FBXO39: variants seen among roughly 807,000 people sequenced by gnomAD.
FBXO39 encodes F-box only protein 39.
Under a neutral mutation model 36.6 loss-of-function variants are expected in FBXO39, and 22 were observed. The ratio of observed to expected loss-of-function variants is 0.60; its 90% confidence interval spans 0.43 to 0.86. The LOEUF (loss-of-function observed/expected upper bound fraction) is 0.86. Among genes scored for constraint, FBXO39 ranks in the 40% least tolerant of loss-of-function variants. The pLI, the probability that FBXO39 is intolerant of heterozygous loss-of-function variation, is 0.00. For missense variants in FBXO39, 536 were observed against 543.9 expected, an observed-to-expected ratio of 0.99 and a Z score of 0.14; for synonymous variants, 206 against 205.8, an observed-to-expected ratio of 1.00 and a Z score of -0.01.
chr17:6,779,203 A>G (rs1287804944), intron 1 of FBXO39, among the ~76,000 whole-genome samples: 1 of 152,120 alleles, frequency 6.6e-6, no homozygotes, highest in South Asian at 2.1e-4. Flanking sequence ...TCTTTATCAC[A>G]TCACGCAGGA....
chr17:6,777,069 A>G (rs1014998953), intron 1 of FBXO39, among the ~76,000 whole-genome samples: 2 of 152,068 alleles, frequency 1.3e-5, no homozygotes, highest in African/African-American at 4.8e-5. Flanking sequence ...GCTAGGCCAA[A>G]AGGTTTCATG....
rs991454223 is a variant in FBXO39 at position 6,780,160 on chromosome 17, A to G, written c.292A>G (p.Asn98Asp). ...GGAGCACCTGGAGGTCAAATTCATG[A>G]ATCCTTACAATGCTGTCTTGACCAA... is the stretch of plus-strand genomic sequence containing the variant. ...YLEHLEVKFM[N>D]PYNAVLTKKF... Residue 98 changes from asparagine (N) to aspartate (D), a missense_variant, in exon 2 of 4, where the codon AAT (asparagine) becomes GAT (aspartate). Transcript: ENST00000321535. 9 of 1,614,066 alleles carry G rather than the reference A, an allele frequency of 5.6e-6. No homozygotes were observed. Among genetic ancestry groups the G allele is most frequent in the Non-Finnish European group, 7.6e-6 (9 of 1,180,032 alleles).
In FBXO39 at chr17:6,780,151, A is replaced by C. The variant is rs747260135; in HGVS notation, c.283A>C (p.Lys95Gln). 1.9e-6 allele frequency: 3 copies of C among 1,614,082 alleles called. No homozygotes were observed. In the African/African-American group the frequency reaches 4.0e-5, roughly 22 times the overall value. ...TCGTTATCTGGAGCACCTGGAGGTC[A>C]AATTCATGAATCCTTACAATGCTGT... is the stretch of plus-strand genomic sequence containing the variant. ...FGRYLEHLEV[K>Q]FMNPYNAVLT... Residue 95 changes from lysine (K) to glutamine (Q), a missense_variant, in exon 2 of 4, where the codon AAA (lysine) becomes CAA (glutamine). By Grantham distance (53) the Lys-to-Gln change is moderately conservative. Transcript: ENST00000321535.
Position 6,780,181 on chromosome 17 carries a change from A to G in FBXO39, c.313A>G (p.Thr105Ala), listed in dbSNP as rs770840323. The change falls in exon 2 of 4, where the codon ACC becomes GCC. Residue 105 changes from threonine to alanine, a missense_variant. Transcript: ENST00000321535. ...KFMNPYNAVL[T>A]KKFQVTMRGL... is the part of the protein sequence containing the mutation. ...CATGAATCCTTACAATGCTGTCTTG[A>G]CCAAGAAGTTCCAGGTCACCATGCG... is the stretch of plus-strand genomic sequence containing the variant. The G allele has an allele frequency of 6.2e-6, 10 of 1,614,080 alleles. No individual in the cohort carries two copies. The highest frequency in any genetic ancestry group is 7.6e-6 in the Non-Finnish European group (9 of 1,180,046).
At chr17:6,777,774 G>C (rs1976450677) in intron 1 of FBXO39, among the ~76,000 whole-genome samples, 1 of 152,208 alleles carries the variant, frequency 6.6e-6, no homozygotes, top group Non-Finnish European at 1.5e-5. Flanking sequence ...ACAAAGAGGG[G>C]CACTGGCAAG....
chr17:6,780,321 C>T lies in FBXO39; in HGVS notation c.453C>T (p.Ser151=). Residue 151 remains serine, a synonymous_variant, in exon 2 of 4, where the codon AGC becomes AGT. Coordinates refer to ENST00000321535, the MANE Select transcript of FBXO39 (RefSeq NM_153230.3). ...WRNSIRSSFI[S]SLSFFLKKMG... ...ACAGCATCAGGAGCTCATTCATCAG[C>T]AGCTTGAGCTTCTTCTTAAAGAAGA... 1 of 1,614,164 alleles carries T rather than the reference C, an allele frequency of 6.2e-7. No homozygotes were observed. The highest frequency in any genetic ancestry group is 1.1e-5 in the South Asian group (1 of 91,088).
intron 2 of FBXO39, among the ~76,000 whole-genome samples, chr17:6,783,829 C>T (rs1407252552): frequency 1.3e-5 from 2 of 152,044 alleles, no homozygotes; most frequent in Middle Eastern, 3.4e-3. Context: ...TTTTATCAAA[C>T]ATTTACAGAA....
intron 2 of FBXO39, among the ~76,000 whole-genome samples, chr17:6,785,731 C>A (rs766414942): frequency 3.3e-5 from 5 of 151,882 alleles, no homozygotes; most frequent in Non-Finnish European, 7.4e-5. Flanking sequence ...ATATAAATGG[C>A]AAAATAAGTA....
At chr17:6,784,469 C>A (rs1222047422) in intron 2 of FBXO39, among the ~76,000 whole-genome samples, 2 of 151,840 alleles carry the variant, frequency 1.3e-5, no homozygotes, top group African/African-American at 4.8e-5. Context: ...TCAAATAATT[C>A]TTGTTTGAAG....
At chr17:6,787,158 C>G in intron 3 of FBXO39, 142 bp from the exon 4 acceptor site, 1 of 1,384,016 alleles carries the variant, frequency 7.2e-7, no homozygotes, top group Non-Finnish European at 9.6e-7. Context: ...AACATATTTT[C>G]CTGATTCAAC....
Position 6,786,858 on chromosome 17 carries a change from T to C in FBXO39, c.1102T>C (p.Leu368=). Residue 368 remains leucine, a synonymous_variant, in exon 3 of 4, where the codon TTG becomes CTG. Coordinates refer to ENST00000321535, the MANE Select transcript of FBXO39 (RefSeq NM_153230.3). ...LHLLIISCRK[L]FYFKIWAFLD... The stretch of plus-strand genomic sequence containing the variant: ...CCTCCTCATCATATCCTGCAGGAAG[T>C]TGTTTTACTTCAAAATCTGGGCTTT... 2 of 1,613,980 alleles carry C rather than the reference T, an allele frequency of 1.2e-6. No individual in the cohort carries two copies. The highest frequency in any genetic ancestry group is 1.7e-6 in the Non-Finnish European group (2 of 1,179,928).
At chr17:6,781,281 CAG>C (rs1318938728) in intron 2 of FBXO39, among the ~76,000 whole-genome samples, 18 of 152,196 alleles carry the variant, frequency 1.2e-4, no homozygotes, top group Non-Finnish European at 2.6e-4. Context: ...GGTCAGATCT[CAG>C]TGGGGGATCT....
intron 2 of FBXO39, among the ~76,000 whole-genome samples, chr17:6,781,707 C>T (rs141462405): frequency 2.0e-4 from 31 of 152,260 alleles, no homozygotes; most frequent in African/African-American, 7.5e-4. Context: ...AAGTACACTG[C>T]CTCCAAATTC....
intron 2 of FBXO39, among the ~76,000 whole-genome samples, chr17:6,786,504 T>G (rs1156991027): frequency 6.6e-6 from 1 of 152,178 alleles, no homozygotes; most frequent in Non-Finnish European, 1.5e-5. Flanking sequence ...AAGAGTATAA[T>G]TGGATTGTTT....
At position 6,780,851 on chromosome 17, in the gene FBXO39, C is replaced by T. The variant is rs200108762; in HGVS notation, c.983C>T (p.Thr328Ile). 464 of 1,613,672 alleles carry T rather than the reference C, an allele frequency of 2.9e-4. 1 individual carries two copies. Among genetic ancestry groups the T allele is most frequent in the Non-Finnish European group, 3.8e-4 (447 of 1,180,038 alleles). ...GACCCAGACTGTTCAATGAGACCCA[C>T]TCTGATAGATCTCCTGCCCACCTTC... ...FSDPDCSMRP[T>I]LIDLLPTFRH... The change falls in exon 2 of 4, where the codon ACT becomes ATT. Residue 328 changes from threonine to isoleucine, a missense_variant. Physicochemically the swap from Thr to Ile is moderately conservative, Grantham distance 89. Coordinates refer to ENST00000321535, the MANE Select transcript of FBXO39 (RefSeq NM_153230.3).
At chr17:6,781,025 C>G in intron 2 of FBXO39, 134 bp downstream of exon 2, 2 of 949,060 alleles carry the variant, frequency 2.1e-6, no homozygotes, top group Admixed American at 5.5e-5. Flanking sequence ...GAAATACCAC[C>G]AACTAAGCCT....
rs1208815242 is a variant in FBXO39 at position 6,780,771 on chromosome 17, C to T, written c.903C>T (p.Ile301=). 6.2e-7 allele frequency: 1 copy of T among 1,614,168 alleles called. No homozygotes were observed. Among genetic ancestry groups the T allele is most frequent in the Non-Finnish European group, 8.5e-7 (1 of 1,180,042 alleles). ...TGAAGTACGAACGCTTGGCCCGAAT[C>T]CTCTTGCAGGAGATCCCGATCAGGA... ...RIMKYERLAR[I]LLQEIPIRSI... Residue 301 remains isoleucine, a synonymous_variant, in exon 2 of 4, where the codon ATC becomes ATT. Transcript: ENST00000321535.
Position 6,787,527 on chromosome 17 carries a change from C to G in FBXO39, c.*99C>G. ...GCACTGCCGGCCCTTTTGCTCCTCT[C>G]TCTCCCCTCCACTTTTTTTTTTTGT... On this transcript the variant is annotated 3_prime_UTR_variant, in exon 4 of 4. Coordinates refer to ENST00000321535, the MANE Select transcript of FBXO39 (RefSeq NM_153230.3). The G allele has an allele frequency of 7.1e-7, 1 of 1,417,254 alleles. No individual in the cohort carries two copies. Among genetic ancestry groups the G allele is most frequent in the Non-Finnish European group, 9.5e-7 (1 of 1,050,202 alleles). The allele number at this position is 1,417,254 out of a possible 1,614,324, so 87.8% of individuals were successfully genotyped here.
rs752546854 is a variant in FBXO39 at position 6,780,727 on chromosome 17, T to C, written c.859T>C (p.Phe287Leu). 3.7e-6 allele frequency: 6 copies of C among 1,614,020 alleles called. No homozygotes were observed. The South Asian group carries it at 5.5e-5, about 15-fold the overall frequency. The change falls in exon 2 of 4, where the codon TTC (phenylalanine) becomes CTC (leucine). Residue 287 changes from phenylalanine to leucine, a missense_variant. Coordinates refer to ENST00000321535, the MANE Select transcript of FBXO39 (RefSeq NM_153230.3). ...ARQATNLKVN[F>L]FFERIMKYER... The stretch of plus-strand genomic sequence containing the variant: ...GCAGGCCACCAATCTGAAGGTGAAC[T>C]TCTTCTTTGAACGGATCATGAAGTA...
Sources: allele counts gnomAD v4.1 joint callset (sites outside exome capture counted in the v4.1 genomes callset), GRCh38; gene constraint gnomAD v4.1.1; transcripts MANE v1.5; gene names NCBI Gene and HGNC (gene_info 2026-07-23, HGNC 2026-07-21).